BAMBI: variants seen among roughly 807,000 people sequenced by gnomAD.
The protein encoded by BAMBI is BMP and activin membrane bound inhibitor, also known as BMP and activin membrane-bound inhibitor homolog.
A neutral mutation model predicts 24.1 loss-of-function variants in BAMBI; 21 were observed. The ratio of observed to expected loss-of-function variants is 0.87; its 90% CI spans 0.62 to 1.26. BAMBI has a LOEUF of 1.26. Among genes scored for constraint, BAMBI ranks in the 50% most tolerant of loss-of-function variants. The pLI is 0.00. For missense variants in BAMBI, 388 were observed against 329.1 expected, an observed-to-expected ratio of 1.18 and a Z score of -1.38; for synonymous variants, 156 against 123.1, an observed-to-expected ratio of 1.27 and a Z score of -1.77.
In BAMBI at chr10:28,681,466, AT is replaced by A. The variant is rs764494479; in HGVS notation, c.287del (p.Leu96TrpfsTer47). 1 of 1,614,122 alleles carries A rather than the reference AT, an allele frequency of 6.2e-7. No homozygotes were observed. Among genetic ancestry groups the A allele is most frequent in the South Asian group, 1.1e-5 (1 of 91,078 alleles). On this transcript the variant is annotated frameshift_variant, in exon 2 of 3. Coordinates refer to ENST00000375533, the MANE Select transcript of BAMBI (RefSeq NM_012342.3). LOFTEE classifies it high-confidence loss of function. ...RNHSGTTIPT[L>X]ECCHEDMCNY... ...ACCACTCTGGCACCACCATACCCAC[AT>A]TGGAATGCTGTCATGAAGACATGTG...
At position 28,682,079 on chromosome 10, in the gene BAMBI, T is replaced by TCATTGCCGTGCC; in HGVS notation, c.468_479dup (p.Val157_Ala160dup). The TCATTGCCGTGCC allele has an allele frequency of 6.2e-7, 1 of 1,614,088 alleles. No individual in the cohort carries two copies. The highest frequency in any genetic ancestry group is 8.5e-7 in the Non-Finnish European group (1 of 1,179,994). ...AAAGAGTTGTGGTTCCGGGCAGCGGTCATTGCCGTGCCCATTGCTGGAGGG... is the reference window on the plus strand; with the variant it reads ...AAAGAGTTGTGGTTCCGGGCAGCGGTCATTGCCGTGCCCATTGCCGTGCCCATTGCTGGAGGG... On this transcript the variant is annotated inframe_insertion, in exon 3 of 3. Transcript: ENST00000375533.
Position 28,678,043 on chromosome 10 carries a change from G to C in BAMBI, c.76+70G>C. 3.6e-6 allele frequency: 5 copies of C among 1,374,090 alleles called. No homozygotes were observed. In the South Asian group the frequency reaches 6.5e-5, roughly 18 times the overall value. 85.1% of individuals were successfully genotyped at this position (1,374,090 alleles called of 1,614,324 possible). A position where few individuals can be genotyped will look rare whatever the true frequency, so the allele number is the denominator to read the frequency against. ...CGGGGCTTTGGAGCCGGCTGCAGAG[G>C]CTTTGTTAGCGGCAGGCGAGGCTCC... On this transcript the variant is annotated intron_variant, in intron 1 of 2. Coordinates refer to ENST00000375533, the MANE Select transcript of BAMBI (RefSeq NM_012342.3).
Position 28,677,917 on chromosome 10 carries a change from A to G in BAMBI, c.20A>G (p.Tyr7Cys), listed in dbSNP as rs1405433383. 4.6e-6 allele frequency: 7 copies of G among 1,527,798 alleles called. No individual in the cohort carries two copies. The highest frequency in any genetic ancestry group is 5.0e-5 in the East Asian group (2 of 39,844). The allele number at this position is 1,527,798 out of a possible 1,614,324, so 94.6% of individuals were successfully genotyped here. A position where few individuals can be genotyped will look rare whatever the true frequency, so the allele number is the denominator to read the frequency against. ...GCGTCAATGGATCGCCACTCCAGCT[A>G]CATCTTCATCTGGCTGCAGCTGGAG... MDRHSS[Y>C]IFIWLQLELC... Residue 7 changes from tyrosine (Y) to cysteine (C), a missense_variant, in exon 1 of 3, where the codon TAC becomes TGC. Transcript: ENST00000375533.
chr10:28,682,395 CGTATGACGG>C lies in BAMBI; in HGVS notation c.778_*3del. 1 of 1,608,822 alleles carries C rather than the reference CGTATGACGG, an allele frequency of 6.2e-7. No individual in the cohort carries two copies. The highest frequency in any genetic ancestry group is 8.5e-7 in the Non-Finnish European group (1 of 1,175,714). ...ACAGTGGGCACGGGAAGCTGGAATT[CGTATGACGG>C]AGTCTTATCTGAACTACACTTACTG... On this transcript the variant is annotated stop_lost and 3_prime_UTR_variant, in exon 3 of 3. Transcript: ENST00000375533.
At chr10:28,679,293 A>G (rs139388306) in intron 1 of BAMBI, among the ~76,000 whole-genome samples, 192 of 152,322 alleles carry the variant, frequency 1.3e-3, no homozygotes, top group African/African-American at 4.4e-3. Flanking sequence ...AAAAGCTTTA[A>G]AAGAAGCCAG....
chr10:28,680,208 T>C (rs1173172844), intron 1 of BAMBI, among the ~76,000 whole-genome samples: 3 of 152,084 alleles, frequency 2.0e-5, no homozygotes, highest in Non-Finnish European at 4.4e-5. Flanking sequence ...TTAGTTTAGT[T>C]TACTCGCTGT....
intron 1 of BAMBI, among the ~76,000 whole-genome samples, chr10:28,679,220 G>A (rs912207110): frequency 3.3e-5 from 5 of 152,150 alleles, no homozygotes; most frequent in Non-Finnish European, 7.4e-5. Flanking sequence ...CACAGATACC[G>A]AAACTATGTG....
At chr10:28,681,687 C>T in intron 2 of BAMBI, 142 bp downstream of exon 2, 5 of 928,256 alleles carry the variant, frequency 5.4e-6, no homozygotes, top group Non-Finnish European at 8.0e-6. Context: ...TGCAAAGATG[C>T]ATCTTGATTG....
rs150781997 is a variant in BAMBI at position 28,679,201 on chromosome 10, A to G, written c.76+1228A>G. Among the ~76,000 whole-genome samples, 653 of 152,348 alleles carry G rather than the reference A, an allele frequency of 4.3e-3. 3 individuals carry two copies. Among genetic ancestry groups the G allele is most frequent in the Non-Finnish European group, 6.8e-3 (462 of 68,040 alleles). ...GCAGAACAGGGAGGGACTGAGGCTG[A>G]CATGAAGTCACAGATACCGAAACTA... is the stretch of plus-strand genomic sequence containing the variant. On this transcript the variant is annotated intron_variant, in intron 1 of 2. Transcript: ENST00000375533.
At chr10:28,678,096 CA>C in intron 1 of BAMBI, 123 bp downstream of exon 1, 1 of 850,564 alleles carries the variant, frequency 1.2e-6, no homozygotes. Flanking sequence ...CAGGTCGCGA[CA>C]AGTTGCTGTG....
chr10:28,681,245 T>A lies in BAMBI; in HGVS notation c.77-13T>A. 2 of 1,605,750 alleles carry A rather than the reference T, an allele frequency of 1.2e-6. No individual in the cohort carries two copies. Among genetic ancestry groups the A allele is most frequent in the Non-Finnish European group, 1.7e-6 (2 of 1,177,376 alleles). ...CTGGAGCAGAGTTTGAGGTGGTTTC[T>A]CATTGTTTTCAGGTGAAATTCGATG... On this transcript the variant is annotated splice_polypyrimidine_tract_variant and intron_variant, in intron 1 of 2. Transcript: ENST00000375533.
At chr10:28,678,257 C>G (rs1403006000) in intron 1 of BAMBI, among the ~76,000 whole-genome samples, 4 of 152,180 alleles carry the variant, frequency 2.6e-5, no homozygotes, top group Non-Finnish European at 4.4e-5. Context: ...GGCCTCGACG[C>G]CGCCGCTTCC....
Position 28,682,755 on chromosome 10 carries a change from A to G in BAMBI, c.*354A>G, listed in dbSNP as rs780102747. The stretch of plus-strand genomic sequence containing the variant: ...TTGTAAAGATTTAAAAGAAATATAT[A>G]TATTTTGTCTGAAATTTAATAGTGT... On this transcript the variant is annotated 3_prime_UTR_variant, in exon 3 of 3. Transcript: ENST00000375533. 3.9e-4 allele frequency: 68 copies of G among 174,916 alleles called. No homozygotes were observed. The highest frequency in any genetic ancestry group is 6.8e-4 in the Non-Finnish European group (56 of 82,716). 10.8% of individuals were successfully genotyped at this position (174,916 alleles called of 1,614,324 possible).
At chr10:28,681,059 A>C (rs1834491827) in intron 1 of BAMBI, among the ~76,000 whole-genome samples, 199 bp from the exon 2 acceptor site, 1 of 152,200 alleles carries the variant, frequency 6.6e-6, no homozygotes, top group African/African-American at 2.4e-5. Flanking sequence ...GGATTACTAC[A>C]TTGCCAAAAT....
Position 28,678,741 on chromosome 10 carries a change from G to A in BAMBI, c.76+768G>A, listed in dbSNP as rs980732354. ...TCCGAGGTGTGCAGAAGTGTGTGTT[G>A]TGTTGCTTTTCAGCAGCCGGGAGGA... On this transcript the variant is annotated intron_variant, in intron 1 of 2. Coordinates refer to ENST00000375533, the MANE Select transcript of BAMBI (RefSeq NM_012342.3). Among the ~76,000 whole-genome samples the A allele has an allele frequency of 3.8e-4, 57 of 151,018 alleles. 2 individuals are homozygous for A. The highest frequency in any genetic ancestry group is 1.5e-5 in the Non-Finnish European group (1 of 67,936).
chr10:28,679,068 G>T (rs1043522644), intron 1 of BAMBI, among the ~76,000 whole-genome samples: 6 of 152,318 alleles, frequency 3.9e-5, no homozygotes, highest in Middle Eastern at 6.8e-3. Context: ...GCCCAGCGAG[G>T]ATGATGTGCT....
rs143071270 is a variant in BAMBI at position 28,678,879 on chromosome 10, T to C, written c.76+906T>C. ...CTTTCCTCTGCAGGCTTTCACCTTT[T>C]AGAAAGAAATAACCCGAACTGTCTC... On this transcript the variant is annotated intron_variant, in intron 1 of 2. Transcript: ENST00000375533. 4.7e-3 allele frequency among the ~76,000 whole-genome samples: 716 copies of C among 152,148 alleles called. 4 individuals carry two copies. The highest frequency in any genetic ancestry group is 7.8e-3 in the Non-Finnish European group (532 of 67,998).
Position 28,681,347 on chromosome 10 carries a change from C to G in BAMBI, c.166C>G (p.Leu56Val). The G allele has an allele frequency of 6.2e-7, 1 of 1,614,192 alleles. No homozygotes were observed. Among genetic ancestry groups the G allele is most frequent in the Non-Finnish European group, 8.5e-7 (1 of 1,180,042 alleles). Residue 56 changes from leucine (L) to valine (V), a missense_variant, in exon 2 of 3, where the codon CTT becomes GTT. Transcript: ENST00000375533. ...SELSACFSRL[L>V]DPQNSNSPLT... ...GCTCAGCGCCTGCTTCTCTAGACTT[C>G]TTGATCCTCAGAACTCAAATTCCCC...
In BAMBI at chr10:28,677,846, C is replaced by T; in HGVS notation, c.-52C>T. 4 of 1,440,754 alleles carry T rather than the reference C, an allele frequency of 2.8e-6. No homozygotes were observed. Among genetic ancestry groups the T allele is most frequent in the Admixed American group, 2.3e-5 (1 of 43,642 alleles). The allele number at this position is 1,440,754 out of a possible 1,614,324, so 89.2% of individuals were successfully genotyped here. On this transcript the variant is annotated 5_prime_UTR_variant, in exon 1 of 3. Transcript: ENST00000375533. ...CGCTCCGGGGGTCGTAGGCTGCCGC[C>T]GAGCCGGGGCTCCGGAAGCCGGCGG...
Sources: gnomAD v4.1 joint callset for allele counts (sites outside exome capture counted in the v4.1 genomes callset) on GRCh38, gnomAD v4.1.1 for gene constraint, MANE v1.5 for transcripts, NCBI Gene and HGNC (gene_info 2026-07-23, HGNC 2026-07-21) for gene names.